WDR64: variants seen among roughly 807,000 people sequenced by gnomAD.
WDR64 encodes WD repeat domain 64.
Under a neutral mutation model 139.3 loss-of-function variants are expected in WDR64, and 112 were observed. That is an observed-to-expected ratio of 0.80 (90% CI 0.69 to 0.94). WDR64 has a LOEUF of 0.94. Ranked by LOEUF, WDR64 falls within the 40% of genes least tolerant of loss-of-function variation. The pLI, the probability that WDR64 is intolerant of heterozygous loss-of-function variation, is 0.00. For synonymous variants in WDR64, 444 were observed against 437.7 expected, an observed-to-expected ratio of 1.01 and a Z score of -0.18; for missense variants, 1,206 against 1,293.1, an observed-to-expected ratio of 0.93 and a Z score of 1.03.
At chr1:241,660,446 G>A in intron 1 of WDR64, 84 bp from the exon 2 acceptor site, 1 of 1,457,606 alleles carries the variant, frequency 6.9e-7, no homozygotes, top group Non-Finnish European at 9.3e-7. Flanking sequence ...GAAAATACAA[G>A]GTGAGGAAAT....
At chr1:241,753,696 A>G (rs1360108353) in intron 14 of WDR64, among the ~76,000 whole-genome samples, 3 of 152,186 alleles carry the variant, frequency 2.0e-5, no homozygotes, top group African/African-American at 7.2e-5. Context: ...AGAGCAAGGC[A>G]CTGTCACACA....
At chr1:241,707,244 T>C (rs373114250) in intron 8 of WDR64, among the ~76,000 whole-genome samples, 2 of 152,190 alleles carry the variant, frequency 1.3e-5, no homozygotes, top group Admixed American at 6.5e-5. Flanking sequence ...CTCATAAATG[T>C]TGTTGACTCA....
intron 27 of WDR64, among the ~76,000 whole-genome samples, chr1:241,796,931 T>A (rs1433411755): frequency 6.6e-6 from 1 of 152,158 alleles, no homozygotes; most frequent in Non-Finnish European, 1.5e-5. Flanking sequence ...TATCTAGACC[T>A]TTATGACTGA....
rs931435142 is a variant in WDR64, at chr1:241,678,797, C to T, written c.513+581C>T. ...ATACCCTGAACTACAAAGAAGGGTG[C>T]CATGCTGCCTGGCAAAGGAGTCTGG... On this transcript the variant is annotated intron_variant, in intron 5 of 27. Transcript: ENST00000437684. Among the ~76,000 whole-genome samples the T allele has an allele frequency of 2.1e-4, 29 of 139,234 alleles. 1 individual carries two copies. Among genetic ancestry groups the T allele is most frequent in the African/African-American group, 7.7e-4 (29 of 37,578 alleles). 91.3% of individuals were successfully genotyped at this position (139,234 alleles called of 152,430 possible). A position where few individuals can be genotyped will look rare whatever the true frequency, so the allele number is the denominator to read the frequency against.
chr1:241,674,550 C>T, intron 3 of WDR64, 94 bp from the exon 4 acceptor site: 1 of 719,932 alleles, frequency 1.4e-6, no homozygotes, highest in South Asian at 1.9e-5. Context: ...CCACTTGTGC[C>T]CTGGCCATAT....
intron 24 of WDR64, 120 bp from the exon 25 acceptor site, chr1:241,790,471 G>A (rs1213878711): frequency 2.6e-6 from 2 of 761,170 alleles, no homozygotes; most frequent in Non-Finnish European, 2.2e-6. Context: ...ACTGTCATTG[G>A]GACTGATGCC....
Position 241,749,626 on chromosome 1 carries a change from G to C in WDR64, c.1674G>C (p.Glu558Asp). 1 of 1,614,164 alleles carries C rather than the reference G, an allele frequency of 6.2e-7. No homozygotes were observed. Among genetic ancestry groups the C allele is most frequent in the African/African-American group, 1.3e-5 (1 of 75,020 alleles). The change falls in exon 14 of 28, where the codon GAG (glutamate) becomes GAC (aspartate). Residue 558 changes from glutamate (E) to aspartate (D), a missense_variant. Transcript: ENST00000437684. ...LPEGKDWKEDEHCLRRLIFLK... is the reference protein window; with the variant it reads ...LPEGKDWKEDDHCLRRLIFLK... The stretch of plus-strand genomic sequence containing the variant: ...AGGGGAAAGACTGGAAGGAGGACGA[G>C]CACTGCCTACGACGCCTCATTTTCC...
intron 4 of WDR64, among the ~76,000 whole-genome samples, chr1:241,677,944 G>C (rs1166945964): frequency 1.3e-5 from 2 of 152,180 alleles, no homozygotes; most frequent in Non-Finnish European, 2.9e-5. Context: ...TTAGTGAAGT[G>C]TTAACAGCAC....
intron 22 of WDR64, among the ~76,000 whole-genome samples, chr1:241,782,244 C>T (rs777147965): frequency 2.6e-5 from 4 of 152,164 alleles, no homozygotes; most frequent in African/African-American, 7.2e-5. Flanking sequence ...GCCGAGATCG[C>T]GCCACCGCAC....
chr1:241,794,502 C>CTTTTTTTTTTTTTTTT (rs1659299229), intron 25 of WDR64, among the ~76,000 whole-genome samples: 1 of 105,024 alleles, frequency 9.5e-6, no homozygotes, highest in Non-Finnish European at 1.8e-5. Flanking sequence ...TTAAGCTTTA[C>CTTTTTTTTTTTTTTTT]TGTTTTTTTT....
At chr1:241,798,293 TA>T (rs1294582744) in intron 27 of WDR64, among the ~76,000 whole-genome samples, 1 of 152,198 alleles carries the variant, frequency 6.6e-6, no homozygotes, top group Non-Finnish European at 1.5e-5. Flanking sequence ...TTAATTTGCT[TA>T]AATTGAAAAA....
chr1:241,761,198 G>A (rs1657877363), intron 15 of WDR64, among the ~76,000 whole-genome samples: 1 of 152,084 alleles, frequency 6.6e-6, no homozygotes, highest in Non-Finnish European at 1.5e-5. Context: ...GAACAAGTGA[G>A]AGCAAAATGA....
At position 241,711,816 on chromosome 1, in the gene WDR64, T is replaced by C. The variant is rs1668179774; in HGVS notation, c.989T>C (p.Phe330Ser). The change falls in exon 9 of 28, where the codon TTT becomes TCT. Residue 330 changes from phenylalanine to serine, a missense_variant. Coordinates refer to ENST00000437684, the MANE Select transcript of WDR64 (RefSeq NM_001367482.1). ...GTGTTTTCCAGGCCTGTCAGAGAGTTTTCCATGCCAAGAGGAGCCAACACT... is the reference window on the plus strand; with the variant it reads ...GTGTTTTCCAGGCCTGTCAGAGAGTCTTCCATGCCAAGAGGAGCCAACACT... ...RLEDNLPVRE[F>S]SMPRGANTFC... 2 of 1,613,988 alleles carry C rather than the reference T, an allele frequency of 1.2e-6. No individual in the cohort carries two copies. The highest frequency in any genetic ancestry group is 2.2e-5 in the South Asian group (2 of 91,078).
chr1:241,728,823 C>CTTCTT lies in WDR64; in HGVS notation c.1194+5389_1194+5390insCTTTT, dbSNP rs772463495. ...TGACCAAAAGGCTGATTCTCTTCTT[C>CTTCTT]TTTTTTTTTTTCTATGAAGGGGAGA... On this transcript the variant is annotated intron_variant, in intron 10 of 27. Coordinates refer to ENST00000437684, the MANE Select transcript of WDR64 (RefSeq NM_001367482.1). Among the ~76,000 whole-genome samples, 932 of 148,710 alleles carry CTTCTT rather than the reference C, an allele frequency of 6.3e-3. 20 individuals carry two copies. The highest frequency in any genetic ancestry group is 0.022 in the African/African-American group (881 of 40,548).
chr1:241,715,357 T>C (rs942556880), intron 9 of WDR64, among the ~76,000 whole-genome samples: 2 of 152,230 alleles, frequency 1.3e-5, no homozygotes, highest in African/African-American at 2.4e-5. Context: ...TCCCAACTGC[T>C]TGATCCCCAT....
At chr1:241,705,308 A>G (rs966734758) in intron 8 of WDR64, among the ~76,000 whole-genome samples, 45 of 152,024 alleles carry the variant, frequency 3.0e-4, no homozygotes, top group Non-Finnish European at 5.4e-4. Context: ...TTGGGAGGCC[A>G]AGGAGGGCGG....
chr1:241,671,093 C>T lies in WDR64; in HGVS notation c.296C>T (p.Ser99Phe). 1 of 1,549,908 alleles carries T rather than the reference C, an allele frequency of 6.5e-7. No homozygotes were observed. The highest frequency in any genetic ancestry group is 8.7e-7 in the Non-Finnish European group (1 of 1,146,360). Residue 99 changes from serine to phenylalanine, a missense_variant, in exon 3 of 28, where the codon TCT (serine) becomes TTT (phenylalanine). Transcript: ENST00000437684. ...TTTCAGATCTTTGGATACTTCTCCTCTGAAGAAGATCCTATTGCTTCCCAG... is the reference window on the plus strand; with the variant it reads ...TTTCAGATCTTTGGATACTTCTCCTTTGAAGAAGATCCTATTGCTTCCCAG... ...DWCEIFGYFS[S>F]EEDPIASQLD...
At chr1:241,672,316 A>AACAC in intron 3 of WDR64, among the ~76,000 whole-genome samples, 1 of 151,576 alleles carries the variant, frequency 6.6e-6, no homozygotes, top group East Asian at 1.9e-4. Context: ...AGAAAAAGAA[A>AACAC]ACACACACAC....
Position 241,801,634 on chromosome 1 carries a change from TA to T in WDR64, c.*424del, listed in dbSNP as rs2148339280. 2 of 399,094 alleles carry T rather than the reference TA, an allele frequency of 5.0e-6. No individual in the cohort carries two copies. The highest frequency in any genetic ancestry group is 4.4e-5 in the Admixed American group (1 of 22,804). The allele number at this position is 399,094 out of a possible 1,614,324, so 24.7% of individuals were successfully genotyped here. On this transcript the variant is annotated 3_prime_UTR_variant, in exon 28 of 28. Transcript: ENST00000437684. Reference sequence around the variant, plus strand: ...CTATGTGTTGTACAAAAAGAATTATTAAAAAGAAAAATGTACCAGTCAGATC... The same window carrying T: ...CTATGTGTTGTACAAAAAGAATTATTAAAAGAAAAATGTACCAGTCAGATC...
Sources: allele counts gnomAD v4.1 joint callset (sites outside exome capture counted in the v4.1 genomes callset), GRCh38; gene constraint gnomAD v4.1.1; transcripts MANE v1.5; gene names NCBI Gene and HGNC (gene_info 2026-07-23, HGNC 2026-07-21).